CHMP2B: variants seen among roughly 807,000 people sequenced by gnomAD.
CHMP2B encodes the protein charged multivesicular body protein 2B.
In CHMP2B, 22 loss-of-function variants were observed where a neutral mutation model predicts 29.8. The observed-to-expected ratio is 0.74, with a 90% CI of 0.53 to 1.05. CHMP2B has a LOEUF of 1.05. Among genes scored for constraint, CHMP2B ranks in the 50% least tolerant of loss-of-function variants. The probability of loss-of-function intolerance (pLI) is 0.00; values close to 1 mark genes in which losing one functional copy is unlikely to be tolerated. For missense variants in CHMP2B, 261 were observed against 252.2 expected, an observed-to-expected ratio of 1.03 and a Z score of -0.24; for synonymous variants, 78 against 75.8, an observed-to-expected ratio of 1.03 and a Z score of -0.15.
chr3:87,234,441 A>G (rs1705962725), intron 1 of CHMP2B, among the ~76,000 whole-genome samples: 1 of 152,164 alleles, frequency 6.6e-6, no homozygotes. Context: ...TCCTTCAGTA[A>G]GAAGAACCTG....
chr3:87,246,298 T>G (rs1261315772), intron 3 of CHMP2B, among the ~76,000 whole-genome samples: 1 of 151,832 alleles, frequency 6.6e-6, no homozygotes, highest in Non-Finnish European at 1.5e-5. Context: ...CCTCCACACC[T>G]GGCTAATTTT....
chr3:87,244,384 C>A (rs965184835), intron 2 of CHMP2B, among the ~76,000 whole-genome samples: 1 of 150,748 alleles, frequency 6.6e-6, no homozygotes, highest in African/African-American at 2.4e-5. Context: ...ATCTTATTTC[C>A]CTACTTTGTG....
In CHMP2B at chr3:87,227,492, G is replaced by C. The variant is rs376821391; in HGVS notation, c.-31G>C. 3.1e-6 allele frequency: 5 copies of C among 1,614,054 alleles called. No individual in the cohort carries two copies. In the South Asian group the frequency reaches 3.3e-5, roughly 11 times the overall value. ...TGCCAGCGTTGGGCCGGACCGGGCC[G>C]AGCCGGGCCGCCCGGGCGCAGTCTT... is the stretch of plus-strand genomic sequence containing the variant. On this transcript the variant is annotated 5_prime_UTR_variant, in exon 1 of 6. Coordinates refer to ENST00000263780, the MANE Select transcript of CHMP2B (RefSeq NM_014043.4).
chr3:87,240,228 G>T, intron 1 of CHMP2B: 1 of 153,054 alleles, frequency 6.5e-6, no homozygotes, highest in South Asian at 2.0e-4. Flanking sequence ...TTATAATTCA[G>T]GTTTTAATAT....
chr3:87,243,308 A>C (rs1706155974), intron 2 of CHMP2B, among the ~76,000 whole-genome samples: 1 of 152,038 alleles, frequency 6.6e-6, no homozygotes, highest in African/African-American at 2.4e-5. Flanking sequence ...ATGTATTTTC[A>C]GTTTGCTGAA....
intron 1 of CHMP2B, 132 bp from the exon 2 acceptor site, chr3:87,240,567 G>A (rs1706098322): frequency 3.0e-6 from 2 of 672,458 alleles, no homozygotes; most frequent in African/African-American, 1.8e-5. Context: ...AAAGTGCTGC[G>A]ATTACAGGCA....
chr3:87,249,915 C>A lies in CHMP2B; in HGVS notation c.362C>A (p.Thr121Lys). The A allele has an allele frequency of 6.2e-7, 1 of 1,607,248 alleles. No homozygotes were observed. Among genetic ancestry groups the A allele is most frequent in the Non-Finnish European group, 8.5e-7 (1 of 1,175,418 alleles). The stretch of plus-strand genomic sequence containing the variant: ...AACAAGAAGATGGATCCACAAAAGA[C>A]ATTACAAACAATGCAGAATTTCCAG... ...AVNKKMDPQK[T>K]LQTMQNFQKE... The change falls in exon 4 of 6, where the codon ACA becomes AAA. Residue 121 changes from threonine to lysine, a missense_variant. Transcript: ENST00000263780.
intron 2 of CHMP2B, among the ~76,000 whole-genome samples, chr3:87,242,923 T>C (rs566730313): frequency 3.9e-5 from 6 of 152,322 alleles, no homozygotes; most frequent in East Asian, 1.9e-4. Context: ...TTTTAGGTGC[T>C]TTGCATTTCT....
At chr3:87,237,956 AT>A (rs1559606685) in intron 1 of CHMP2B, among the ~76,000 whole-genome samples, 1 of 152,192 alleles carries the variant, frequency 6.6e-6, no homozygotes. Context: ...GGTAGAATAA[AT>A]ACCTCATTAG....
chr3:87,252,283 A>G (rs966887841), intron 4 of CHMP2B, among the ~76,000 whole-genome samples: 1 of 151,864 alleles, frequency 6.6e-6, no homozygotes, highest in Non-Finnish European at 1.5e-5. Context: ...ACATGATTAC[A>G]AGGAAATCAC....
At chr3:87,233,117 T>C (rs944405607) in intron 1 of CHMP2B, among the ~76,000 whole-genome samples, 5 of 152,220 alleles carry the variant, frequency 3.3e-5, no homozygotes, top group African/African-American at 1.2e-4. Context: ...TAGTTGGCTC[T>C]CTTGACGATG....
rs17189270 is a variant in CHMP2B, at chr3:87,254,053, T to C, written c.*231T>C. The stretch of plus-strand genomic sequence containing the variant: ...AATTAGAACTGTTTAGGAGTGATGA[T>C]GTGTAAAAAGTTGACTTCTCTTTTG... On this transcript the variant is annotated 3_prime_UTR_variant, in exon 6 of 6. Coordinates refer to ENST00000263780, the MANE Select transcript of CHMP2B (RefSeq NM_014043.4). 0.012 allele frequency: 5,080 copies of C among 424,620 alleles called. 51 individuals carry two copies. Among genetic ancestry groups the C allele is most frequent in the Middle Eastern group, 0.041 (57 of 1,404 alleles). 26.3% of individuals were successfully genotyped at this position (424,620 alleles called of 1,614,324 possible).
intron 2 of CHMP2B, among the ~76,000 whole-genome samples, chr3:87,242,227 A>G (rs536532371): frequency 6.6e-6 from 1 of 152,174 alleles, no homozygotes; most frequent in African/African-American, 2.4e-5. Flanking sequence ...TATTATTTCC[A>G]AGTTCTTAAC....
At chr3:87,231,723 C>CT (rs1256495250) in intron 1 of CHMP2B, among the ~76,000 whole-genome samples, 1 of 152,176 alleles carries the variant, frequency 6.6e-6, no homozygotes, top group Non-Finnish European at 1.5e-5. Context: ...CTCCCATACT[C>CT]TTTCTCACCC....
At chr3:87,234,264 G>A (rs561201119) in intron 1 of CHMP2B, among the ~76,000 whole-genome samples, 2 of 152,234 alleles carry the variant, frequency 1.3e-5, no homozygotes, top group Non-Finnish European at 2.9e-5. Context: ...TGGACCACAT[G>A]GGAGACCTTT....
At chr3:87,242,777 C>G (rs905734981) in intron 2 of CHMP2B, among the ~76,000 whole-genome samples, 4 of 152,134 alleles carry the variant, frequency 2.6e-5, no homozygotes, top group Non-Finnish European at 2.9e-5. Context: ...TTTCTGGGCT[C>G]TGTTCCATTG....
In CHMP2B at chr3:87,227,336, G is replaced by A. The variant is rs1705825547; in HGVS notation, c.-187G>A. ...TAGTTCCCGGTCACCTGAGCTCCGG[G>A]TGACGCGGCTGCGGTAGCTGCGGAT... On this transcript the variant is annotated 5_prime_UTR_variant, in exon 1 of 6. It adds an upstream start codon to the 5' untranslated region. Transcript: ENST00000263780. 1 of 647,700 alleles carries A rather than the reference G, an allele frequency of 1.5e-6. No homozygotes were observed. Among genetic ancestry groups the A allele is most frequent in the Non-Finnish European group, 2.8e-6 (1 of 361,078 alleles). 40.1% of individuals were successfully genotyped at this position (647,700 alleles called of 1,614,324 possible).
chr3:87,245,920 C>T lies in CHMP2B; in HGVS notation c.321+12C>T, dbSNP rs1461482784. On this transcript the variant is annotated intron_variant, in intron 3 of 5. Coordinates refer to ENST00000263780, the MANE Select transcript of CHMP2B (RefSeq NM_014043.4). ...CTACTACAGCAAAAGTAAGTGAGAG[C>T]TTTTATATTCATAGATTTTTAATTT... is the stretch of plus-strand genomic sequence containing the variant. 5 of 1,581,288 alleles carry T rather than the reference C, an allele frequency of 3.2e-6. No homozygotes were observed. Among genetic ancestry groups the T allele is most frequent in the Non-Finnish European group, 4.3e-6 (5 of 1,154,610 alleles).
At chr3:87,239,129 C>T (rs377392989) in intron 1 of CHMP2B, among the ~76,000 whole-genome samples, 1 of 152,004 alleles carries the variant, frequency 6.6e-6, no homozygotes, top group Non-Finnish European at 1.5e-5. Flanking sequence ...GTTTGTATCT[C>T]GTTTCTTGAG....
Sources: allele counts gnomAD v4.1 joint callset (sites outside exome capture counted in the v4.1 genomes callset), GRCh38; gene constraint gnomAD v4.1.1; transcripts MANE v1.5; gene names NCBI Gene and HGNC (gene_info 2026-07-23, HGNC 2026-07-21).